The following HSPA12A variants were observed in gnomAD, a reference collection of about 807,000 sequenced individuals.
HSPA12A encodes heat shock 70 kDa protein 12A.
HSPA12A carries 28 observed loss-of-function variants against 69.2 expected under a neutral mutation model. That is an observed-to-expected ratio of 0.40 (90% CI 0.30 to 0.55). HSPA12A has a LOEUF of 0.55. Among genes scored for constraint, HSPA12A ranks in the 20% least tolerant of loss-of-function variants. The probability of loss-of-function intolerance (pLI) is 0.38; values close to 1 mark genes in which losing one functional copy is unlikely to be tolerated. For synonymous variants in HSPA12A, 345 were observed against 370.5 expected (o/e 0.93, Z 0.79); for missense variants, 686 against 900.7 (o/e 0.76, Z 3.05).
At chr10:116,815,843 T>C (rs1845293075) in intron 2 of HSPA12A, among the ~76,000 whole-genome samples, 1 of 152,190 alleles carries the variant, frequency 6.6e-6, no homozygotes, top group Non-Finnish European at 1.5e-5. Flanking sequence ...AAGGGCTGTA[T>C]TCCCAAGCAG....
At chr10:116,812,191 G>A (rs1311621576) in intron 2 of HSPA12A, among the ~76,000 whole-genome samples, 2 of 152,140 alleles carry the variant, frequency 1.3e-5, no homozygotes, top group Non-Finnish European at 2.9e-5. Context: ...GCTGGCTCAT[G>A]TCTGTAATCC....
Position 116,695,978 on chromosome 10 carries a change from G to A in HSPA12A, c.546+2657C>T, listed in dbSNP as rs1364602478. Among the ~76,000 whole-genome samples the A allele has an allele frequency of 7.3e-5, 9 of 123,814 alleles. 1 individual carries two copies. Among genetic ancestry groups the A allele is most frequent in the African/African-American group, 2.9e-4 (9 of 31,268 alleles). 81.2% of individuals were successfully genotyped at this position (123,814 alleles called of 152,430 possible). A position where few individuals can be genotyped will look rare whatever the true frequency, so the allele number is the denominator to read the frequency against. On this transcript the variant is annotated intron_variant, in intron 5 of 11. Coordinates refer to ENST00000369209, the MANE Select transcript of HSPA12A (RefSeq NM_025015.3). Reference sequence around the variant, plus strand: ...AGATCGCACTACTGCACTCCAGCCTGGGCAACAGAGAGAGACTCCATCTCA... The same window carrying A: ...AGATCGCACTACTGCACTCCAGCCTAGGCAACAGAGAGAGACTCCATCTCA...
At chr10:116,731,563 A>C (rs1638420) in intron 1 of HSPA12A, among the ~76,000 whole-genome samples, 140,105 of 152,240 alleles carry the variant, frequency 0.92, 64,982 homozygotes, top group Non-Finnish European at 0.98. Flanking sequence ...ATGTAGCATG[A>C]AACTTTTACA....
intron 1 of HSPA12A, among the ~76,000 whole-genome samples, chr10:116,836,602 G>A (rs1352850138): frequency 1.3e-5 from 2 of 152,132 alleles, no homozygotes; most frequent in Non-Finnish European, 2.9e-5. Context: ...TCTTAGCCCC[G>A]TTCAAGAATG....
chr10:116,775,934 TG>T (rs1234916719), intron 2 of HSPA12A, among the ~76,000 whole-genome samples: 1 of 152,152 alleles, frequency 6.6e-6, no homozygotes, highest in Admixed American at 6.5e-5. Context: ...GGGACTAGAC[TG>T]GGGGCAGCTG....
chr10:116,819,509 G>C (rs896754491), intron 2 of HSPA12A, among the ~76,000 whole-genome samples: 1 of 152,154 alleles, frequency 6.6e-6, no homozygotes, highest in Admixed American at 6.5e-5. Context: ...GAGAGCTGAC[G>C]GAGCTTGTTC....
At chr10:116,706,068 G>T (rs190090419) in intron 2 of HSPA12A, among the ~76,000 whole-genome samples, 1 of 151,532 alleles carries the variant, frequency 6.6e-6, no homozygotes, top group African/African-American at 2.4e-5. Flanking sequence ...CTAATTTCTT[G>T]TATTTTTTAG....
intron 2 of HSPA12A, among the ~76,000 whole-genome samples, chr10:116,779,978 C>G (rs1844428287): frequency 6.6e-6 from 1 of 152,168 alleles, no homozygotes; most frequent in African/African-American, 2.4e-5. Context: ...TTCGACCTAC[C>G]TAGAGGAGGC....
upstream of HSPA12A, among the ~76,000 whole-genome samples, chr10:116,850,387 G>C (rs1042483494): frequency 6.6e-6 from 1 of 152,000 alleles, no homozygotes; most frequent in Non-Finnish European, 1.5e-5. Context: ...CCCCTGCTGG[G>C]CTCAGAAGCC....
chr10:116,816,787 G>GT (rs577955991), intron 2 of HSPA12A, among the ~76,000 whole-genome samples: 42 of 152,330 alleles, frequency 2.8e-4, no homozygotes, highest in African/African-American at 9.6e-4. Context: ...GCCCTCGCCA[G>GT]TTTCTGGTAC....
intron 1 of HSPA12A, among the ~76,000 whole-genome samples, chr10:116,719,710 C>A (rs1459966251): frequency 6.6e-6 from 1 of 152,122 alleles, no homozygotes. Flanking sequence ...AACAAGTGTA[C>A]CTATTATTAC....
At chr10:116,780,700 G>T (rs1242716553) in intron 2 of HSPA12A, among the ~76,000 whole-genome samples, 1 of 152,034 alleles carries the variant, frequency 6.6e-6, no homozygotes, top group African/African-American at 2.4e-5. Flanking sequence ...TATGATGCGT[G>T]CTTCTTCATT....
intron 2 of HSPA12A, among the ~76,000 whole-genome samples, chr10:116,783,902 C>A (rs565018470): frequency 6.6e-6 from 1 of 152,188 alleles, no homozygotes; most frequent in Non-Finnish European, 1.5e-5. Flanking sequence ...CAGGGTTTCA[C>A]CATGTTGGCC....
At chr10:116,824,287 G>A (rs1482070893) in intron 2 of HSPA12A, among the ~76,000 whole-genome samples, 1 of 152,158 alleles carries the variant, frequency 6.6e-6, no homozygotes, top group Non-Finnish European at 1.5e-5. Context: ...GAAATAAGAA[G>A]CCTCATACAC....
intron 2 of HSPA12A, among the ~76,000 whole-genome samples, chr10:116,788,866 ATT>A (rs34187640): frequency 5.3e-4 from 74 of 138,606 alleles, no homozygotes; most frequent in African/African-American, 9.7e-4. Flanking sequence ...CTACGCAGCT[ATT>A]TTTTTTTTTT....
At chr10:116,753,392 A>C (rs1843752732) in intron 2 of HSPA12A, among the ~76,000 whole-genome samples, 1 of 152,226 alleles carries the variant, frequency 6.6e-6, no homozygotes, top group Admixed American at 6.5e-5. Flanking sequence ...CAGTGGTGAG[A>C]TAACACCCAG....
At chr10:116,695,816 T>A (rs1849877425) in intron 5 of HSPA12A, among the ~76,000 whole-genome samples, 1 of 136,198 alleles carries the variant, frequency 7.3e-6, no homozygotes. Flanking sequence ...CGAGACTCCG[T>A]CTCAAAACAA....
intron 10 of HSPA12A, among the ~76,000 whole-genome samples, chr10:116,678,408 A>G (rs1320055948): frequency 2.1e-5 from 3 of 145,626 alleles, no homozygotes; most frequent in African/African-American, 7.5e-5. Context: ...AACACCACGG[A>G]CGTGAGATGA....
chr10:116,766,101 C>T (rs1844072357), intron 2 of HSPA12A, among the ~76,000 whole-genome samples: 1 of 152,220 alleles, frequency 6.6e-6, no homozygotes, highest in Non-Finnish European at 1.5e-5. Flanking sequence ...TCCACCTCCT[C>T]TGCCCCCTCT....
Sources: allele counts gnomAD v4.1 joint callset (sites outside exome capture counted in the v4.1 genomes callset), GRCh38; gene constraint gnomAD v4.1.1; transcripts MANE v1.5; gene names NCBI Gene and HGNC (gene_info 2026-07-23, HGNC 2026-07-21).